The following KALRN variants were observed in gnomAD, a reference collection of about 807,000 sequenced individuals.
KALRN encodes the protein kalirin RhoGEF kinase.
In KALRN, 70 loss-of-function variants were observed where a neutral mutation model predicts 353.7. The ratio of observed to expected loss-of-function variants is 0.20; its 90% CI spans 0.16 to 0.24. KALRN has a LOEUF of 0.24. Ranked by LOEUF, KALRN falls within the 10% of genes least tolerant of loss-of-function variation. KALRN has a pLI of 1.00. For missense variants in KALRN, 2,791 were observed against 3,756.7 expected, an observed-to-expected ratio of 0.74 and a Z score of 6.72; for synonymous variants, 1,391 against 1,434.8, an observed-to-expected ratio of 0.97 and a Z score of 0.69.
chr3:124,156,198 T>C (rs1200978881), intron 1 of KALRN, among the ~76,000 whole-genome samples: 1 of 152,208 alleles, frequency 6.6e-6, no homozygotes, highest in Non-Finnish European at 1.5e-5. Flanking sequence ...GGAGTTTCCC[T>C]CCACCTCTGC....
intron 1 of KALRN, among the ~76,000 whole-genome samples, chr3:124,135,748 G>A (rs977040747): frequency 2.6e-5 from 4 of 151,936 alleles, no homozygotes; most frequent in African/African-American, 9.7e-5. Flanking sequence ...GGTGGGGAAG[G>A]GTCCTTGATG....
chr3:124,230,847 C>A lies in KALRN; in HGVS notation c.148+2783C>A, dbSNP rs372660593. 2.2e-4 allele frequency among the ~76,000 whole-genome samples: 28 copies of A among 128,928 alleles called. 1 individual carries two copies. Among genetic ancestry groups the A allele is most frequent in the Middle Eastern group, 3.9e-3 (1 of 256 alleles). The allele number at this position is 128,928 out of a possible 152,430, so 84.6% of individuals were successfully genotyped here. ...ACAAAAACAAAACAAAACAAAAAAA[C>A]CCCCAAAACCAAAAAAAAAAAAAAC... On this transcript the variant is annotated intron_variant, in intron 2 of 59. Transcript: ENST00000682506.
At chr3:124,495,978 T>TGTGTATATATATATATATATATAC (rs1561136282) in intron 32 of KALRN, among the ~76,000 whole-genome samples, 3 of 26,494 alleles carry the variant, frequency 1.1e-4, no homozygotes, top group South Asian at 1.3e-3. Flanking sequence ...TATATATATA[T>TGTGTATATATATATATATATATAC]ATATATATAT....
chr3:124,426,567 T>A (rs896048805), intron 15 of KALRN, among the ~76,000 whole-genome samples: 4 of 152,212 alleles, frequency 2.6e-5, no homozygotes, highest in Admixed American at 1.3e-4. Context: ...ATTATGTTAA[T>A]GGACTCAGAA....
In KALRN at chr3:124,722,371, A is replaced by C. The variant is rs1021141047; in HGVS notation, c.*2901A>C. 5 of 152,160 alleles carry C rather than the reference A, an allele frequency of 3.3e-5. No individual in the cohort carries two copies. Among genetic ancestry groups the C allele is most frequent in the Non-Finnish European group, 7.3e-5 (5 of 68,042 alleles). The allele number at this position is 152,160 out of a possible 1,614,324, so 9.4% of individuals were successfully genotyped here. A position where few individuals can be genotyped will look rare whatever the true frequency, so the allele number is the denominator to read the frequency against. On this transcript the variant is annotated 3_prime_UTR_variant, in exon 60 of 60. Coordinates refer to ENST00000682506, the MANE Select transcript of KALRN (RefSeq NM_001388419.1). ...CAGGAAAGGAGGGACCTAGAAATGA[A>C]AAGTAGGATGATTTTGTTAACTGGA...
At chr3:124,317,526 G>A (rs932521377) in intron 6 of KALRN, among the ~76,000 whole-genome samples, 4 of 151,806 alleles carry the variant, frequency 2.6e-5, no homozygotes, top group Non-Finnish European at 5.9e-5. Flanking sequence ...GTTCTTGTTC[G>A]GGGAAGCTCC....
At chr3:124,435,481 A>T (rs2093429353) in intron 17 of KALRN, among the ~76,000 whole-genome samples, 2 of 152,212 alleles carry the variant, frequency 1.3e-5, no homozygotes, top group Admixed American at 1.3e-4. Flanking sequence ...AATTCTTTTT[A>T]TGAAACAGGT....
At chr3:124,421,369 G>A (rs563114414) in intron 14 of KALRN, among the ~76,000 whole-genome samples, 3 of 152,300 alleles carry the variant, frequency 2.0e-5, no homozygotes, top group East Asian at 1.9e-4. Context: ...TAAGGTAAGA[G>A]TTAGGAGTCA....
intron 33 of KALRN, among the ~76,000 whole-genome samples, chr3:124,510,707 A>G (rs2065809735): frequency 1.3e-5 from 2 of 151,990 alleles, no homozygotes; most frequent in South Asian, 4.2e-4. Context: ...TCTCTTTCTC[A>G]TATTGTCAAA....
At chr3:124,367,055 G>C (rs1486576920) in intron 10 of KALRN, among the ~76,000 whole-genome samples, 1 of 135,440 alleles carries the variant, frequency 7.4e-6, no homozygotes, top group Non-Finnish European at 1.6e-5. Context: ...CTGGCCGGGC[G>C]GGGGGCTGAC....
intron 37 of KALRN, among the ~76,000 whole-genome samples, chr3:124,646,739 A>G (rs1253478387): frequency 1.3e-5 from 2 of 151,114 alleles, no homozygotes; most frequent in African/African-American, 4.9e-5. Context: ...TCTGACGAAT[A>G]TAAGAAATAT....
intron 1 of KALRN, among the ~76,000 whole-genome samples, chr3:124,120,410 A>G (rs1463981474): frequency 1.3e-5 from 2 of 152,140 alleles, no homozygotes; most frequent in Admixed American, 1.3e-4. Flanking sequence ...TCCTCTCTCA[A>G]AAACACAGTG....
chr3:124,267,879 C>T (rs970529253), intron 4 of KALRN, among the ~76,000 whole-genome samples: 18 of 152,130 alleles, frequency 1.2e-4, no homozygotes, highest in African/African-American at 4.1e-4. Flanking sequence ...TCTGCAAGCC[C>T]CATGAGGAAG....
At chr3:124,264,866 C>T (rs1362035876) in intron 4 of KALRN, among the ~76,000 whole-genome samples, 176 bp downstream of exon 4, 12 of 152,190 alleles carry the variant, frequency 7.9e-5, no homozygotes, top group African/African-American at 2.7e-4. Flanking sequence ...GAACAAGAGG[C>T]TCACGAGATT....
chr3:124,454,457 C>T (rs1425998119), intron 21 of KALRN, among the ~76,000 whole-genome samples: 1 of 152,170 alleles, frequency 6.6e-6, no homozygotes, highest in Non-Finnish European at 1.5e-5. Flanking sequence ...CAGTAACACA[C>T]TATGTAAATT....
intron 1 of KALRN, among the ~76,000 whole-genome samples, chr3:124,211,709 G>A (rs573958446): frequency 3.6e-4 from 55 of 152,246 alleles, no homozygotes; most frequent in Non-Finnish European, 6.8e-4. Context: ...GCATGATGAG[G>A]ACTCATACCT....
intron 34 of KALRN, among the ~76,000 whole-genome samples, chr3:124,588,096 C>T (rs2075396496): frequency 6.6e-6 from 1 of 151,970 alleles, no homozygotes; most frequent in African/African-American, 2.4e-5. Context: ...AACTGAAAAC[C>T]AAGGATAGAA....
At chr3:124,123,125 G>T (rs972269867) in intron 1 of KALRN, among the ~76,000 whole-genome samples, 34 of 151,858 alleles carry the variant, frequency 2.2e-4, no homozygotes, top group African/African-American at 7.5e-4. Context: ...GCTTGAACAT[G>T]GGAGGCGGAG....
chr3:124,674,788 G>A (rs2086964594), intron 49 of KALRN, 174 bp downstream of exon 49: 6 of 538,422 alleles, frequency 1.1e-5, no homozygotes, highest in South Asian at 5.7e-5. Flanking sequence ...TGGGGCATCC[G>A]GGCTGGAGTG....
Sources: allele counts gnomAD v4.1 joint callset (sites outside exome capture counted in the v4.1 genomes callset), GRCh38; gene constraint gnomAD v4.1.1; transcripts MANE v1.5; gene names NCBI Gene and HGNC (gene_info 2026-07-23, HGNC 2026-07-21).